Variants in SHOC1 observed in about 807,000 individuals in gnomAD.
SHOC1 encodes the protein shortage in chiasmata 1, also known as protein shortage in chiasmata 1 ortholog.
Under a neutral mutation model 179.2 loss-of-function variants are expected in SHOC1, and 136 were observed. The ratio of observed to expected loss-of-function variants is 0.76; its 90% CI spans 0.66 to 0.87. SHOC1 has a LOEUF of 0.87. SHOC1 is among the 40% of genes least tolerant of loss of function. The pLI, the probability that SHOC1 is intolerant of heterozygous loss-of-function variation, is 0.00. For synonymous variants in SHOC1, 489 were observed against 586.6 expected, an observed-to-expected ratio of 0.83 and a Z score of 2.41; for missense variants, 1,538 against 1,700.8, an observed-to-expected ratio of 0.90 and a Z score of 1.68.
intron 9 of SHOC1, among the ~76,000 whole-genome samples, chr9:111,747,105 C>A (rs1367106301): frequency 6.6e-6 from 1 of 152,116 alleles, no homozygotes; most frequent in Non-Finnish European, 1.5e-5. Flanking sequence ...TGACTCTGGA[C>A]TCTAGATGGC....
chr9:111,730,917 A>G (rs554445384), intron 12 of SHOC1, among the ~76,000 whole-genome samples: 10 of 152,304 alleles, frequency 6.6e-5, no homozygotes, highest in African/African-American at 1.9e-4. Flanking sequence ...CATCTTCATC[A>G]ATAATATTGG....
At chr9:111,696,129 T>C (rs1388613582) in intron 24 of SHOC1, among the ~76,000 whole-genome samples, 2 of 152,224 alleles carry the variant, frequency 1.3e-5, no homozygotes, top group African/African-American at 4.8e-5. Flanking sequence ...TGTGTATTTA[T>C]GCATTTTCCT....
chr9:111,718,133 G>T, intron 16 of SHOC1, 51 bp downstream of exon 16: 2 of 1,288,264 alleles, frequency 1.6e-6, no homozygotes, highest in Non-Finnish European at 2.2e-6. Flanking sequence ...AGTTATTTCA[G>T]ATGAAATATT....
chr9:111,769,986 G>GTTTTTTTTTTTTTTT (rs769266659), intron 5 of SHOC1, among the ~76,000 whole-genome samples: 7 of 77,634 alleles, frequency 9.0e-5, no homozygotes, highest in Non-Finnish European at 1.2e-4. Context: ...TTTTTTTTTT[G>GTTTTTTTTTTTTTTT]TTTTTTTTTT....
intron 27 of SHOC1, among the ~76,000 whole-genome samples, chr9:111,688,718 A>T: frequency 6.6e-6 from 1 of 152,184 alleles, no homozygotes; most frequent in African/African-American, 2.4e-5. Flanking sequence ...AGAAAAAAAT[A>T]AAAATTAAAA....
chr9:111,790,835 C>T (rs1000193892), intron 2 of SHOC1, among the ~76,000 whole-genome samples: 8 of 152,058 alleles, frequency 5.3e-5, no homozygotes, highest in African/African-American at 1.4e-4. Context: ...CGTGAGCCAC[C>T]GTGCCCAGCC....
chr9:111,713,055 T>C (rs749716109), intron 18 of SHOC1, 45 bp downstream of exon 18: 1 of 1,183,242 alleles, frequency 8.5e-7, no homozygotes, highest in South Asian at 1.3e-5. Flanking sequence ...CTTTTATAAG[T>C]TCAAGCATTT....
intron 11 of SHOC1, among the ~76,000 whole-genome samples, chr9:111,739,174 TTAATAA>T (rs770514568): frequency 1.3e-5 from 2 of 152,092 alleles, no homozygotes; most frequent in Non-Finnish European, 2.9e-5. Flanking sequence ...AATACTAATA[TTAATAA>T]TAGTAATTAC....
intron 1 of SHOC1, among the ~76,000 whole-genome samples, chr9:111,793,096 A>G (rs1314476996): frequency 6.6e-6 from 1 of 151,942 alleles, no homozygotes; most frequent in East Asian, 1.9e-4. Flanking sequence ...GTTAGACTGG[A>G]TGGTCTCGAT....
At chr9:111,769,995 T>TG (rs1835529968) in intron 5 of SHOC1, among the ~76,000 whole-genome samples, 1 of 147,170 alleles carries the variant, frequency 6.8e-6, no homozygotes, top group Admixed American at 6.7e-5. Context: ...TGTTTTTTTT[T>TG]TTTTTTTTTT....
intron 5 of SHOC1, among the ~76,000 whole-genome samples, chr9:111,763,430 A>C (rs1469444366): frequency 6.6e-6 from 1 of 152,108 alleles, no homozygotes; most frequent in Non-Finnish European, 1.5e-5. Context: ...TTCAGGATGA[A>C]AAGATCTTAT....
intron 12 of SHOC1, among the ~76,000 whole-genome samples, chr9:111,729,581 C>A (rs1045691877): frequency 6.6e-6 from 1 of 152,166 alleles, no homozygotes; most frequent in Non-Finnish European, 1.5e-5. Context: ...AGCATTTACC[C>A]AGAGTAGAAC....
chr9:111,735,566 T>C (rs934793397), intron 12 of SHOC1, among the ~76,000 whole-genome samples: 1 of 152,232 alleles, frequency 6.6e-6, no homozygotes, highest in African/African-American at 2.4e-5. Context: ...TGTACCACAT[T>C]TTCTTTATCC....
intron 15 of SHOC1, among the ~76,000 whole-genome samples, chr9:111,721,542 G>A (rs1330520466): frequency 2.0e-5 from 3 of 152,118 alleles, no homozygotes; most frequent in Non-Finnish European, 2.9e-5. Flanking sequence ...GTTTCACCAT[G>A]TTGGCTAGGC....
At position 111,722,459 on chromosome 9, in the gene SHOC1, C is replaced by A; in HGVS notation, c.2081G>T (p.Arg694Met). The change falls in exon 15 of 28, where the codon AGG becomes ATG. Residue 694 changes from arginine (R) to methionine (M), a missense_variant. Arg to Met is a moderately conservative substitution (Grantham distance 91). Transcript: ENST00000682961. The part of the protein sequence containing the change: ...KFATVIFDQT[R>M]FLLKEQEKVV... ...TTTTTCTTGTTCCTTTAAGAGAAAC[C>A]TTGTTTGGTCAAAAATAACAGTGGC... is the stretch of plus-strand genomic sequence containing the variant. 1 of 1,611,650 alleles carries A rather than the reference C, an allele frequency of 6.2e-7. No homozygotes were observed. Among genetic ancestry groups the A allele is most frequent in the Non-Finnish European group, 8.5e-7 (1 of 1,179,518 alleles).
At position 111,723,661 on chromosome 9, in the gene SHOC1, A is replaced by C. The variant is rs1439351590; in HGVS notation, c.1954+131T>G. 3.3e-6 allele frequency: 3 copies of C among 910,384 alleles called. No homozygotes were observed. The African/African-American group carries it at 5.0e-5, about 15-fold the overall frequency. The allele number at this position is 910,384 out of a possible 1,614,324, so 56.4% of individuals were successfully genotyped here. A position where few individuals can be genotyped will look rare whatever the true frequency, so the allele number is the denominator to read the frequency against. On this transcript the variant is annotated intron_variant, in intron 14 of 27. Transcript: ENST00000682961. ...CCAGATTGGGATATAACTTGAAAGT[A>C]GGAGTGGAATGAAGAAATATCTGAA...
chr9:111,702,264 T>C (rs781633484), intron 22 of SHOC1, 38 bp from the exon 23 acceptor site: 2 of 1,242,830 alleles, frequency 1.6e-6, no homozygotes, highest in South Asian at 2.6e-5. Flanking sequence ...ATTCATTAGG[T>C]TGAACAGTTA....
At chr9:111,792,038 C>T (rs995833001) in intron 1 of SHOC1, among the ~76,000 whole-genome samples, 1 of 152,190 alleles carries the variant, frequency 6.6e-6, no homozygotes, top group Non-Finnish European at 1.5e-5. Context: ...TGTTTCCATT[C>T]TCTTACTTAG....
At chr9:111,705,215 C>T in intron 21 of SHOC1, 32 bp downstream of exon 21, 1 of 971,618 alleles carries the variant, frequency 1.0e-6, no homozygotes, top group South Asian at 1.6e-5. Context: ...ATAATGTACA[C>T]TTTTGTTAAA....
Sources: gnomAD v4.1 joint callset for allele counts (sites outside exome capture counted in the v4.1 genomes callset) on GRCh38, gnomAD v4.1.1 for gene constraint, MANE v1.5 for transcripts, NCBI Gene and HGNC (gene_info 2026-07-23, HGNC 2026-07-21) for gene names.